The following DLG2 variants were observed in gnomAD, a reference collection of about 807,000 sequenced individuals.
DLG2 encodes the protein disks large homolog 2.
In DLG2, 45 loss-of-function variants were observed where a neutral mutation model predicts 132.5. The observed-to-expected ratio is 0.34, with a 90% CI of 0.27 to 0.44. The LOEUF is 0.44. DLG2 is among the 20% of genes least tolerant of loss of function. The probability of loss-of-function intolerance (pLI) is 1.00; values close to 1 mark genes in which losing one functional copy is unlikely to be tolerated. For missense variants in DLG2, 1,045 were observed against 1,196.9 expected, an observed-to-expected ratio of 0.87 and a Z score of 1.87; for synonymous variants, 424 against 419.6, an observed-to-expected ratio of 1.01 and a Z score of -0.13.
intron 10 of DLG2, among the ~76,000 whole-genome samples, chr11:84,090,584 G>T (rs547246292): frequency 6.6e-6 from 1 of 152,224 alleles, no homozygotes; most frequent in African/African-American, 2.4e-5. Context: ...TTGGACATAC[G>T]TGTATGCCAA....
At chr11:84,634,426 A>T (rs368912061) in intron 6 of DLG2, among the ~76,000 whole-genome samples, 1 of 152,226 alleles carries the variant, frequency 6.6e-6, no homozygotes, top group African/African-American at 2.4e-5. Context: ...CTGGATGTGT[A>T]AACAGACTAC....
chr11:84,474,129 C>G (rs1405298325), intron 7 of DLG2, among the ~76,000 whole-genome samples: 1 of 151,970 alleles, frequency 6.6e-6, no homozygotes, highest in Non-Finnish European at 1.5e-5. Context: ...TTCTCACAAT[C>G]CCATTTCTGA....
intron 6 of DLG2, among the ~76,000 whole-genome samples, chr11:84,726,941 G>C (rs1290930419): frequency 6.6e-6 from 1 of 152,126 alleles, no homozygotes; most frequent in East Asian, 1.9e-4. Context: ...CCCAGTTTTT[G>C]ATAGGGTTGT....
At chr11:84,153,756 T>A (rs990122901) in intron 9 of DLG2, among the ~76,000 whole-genome samples, 2 of 152,202 alleles carry the variant, frequency 1.3e-5, no homozygotes, top group Admixed American at 1.3e-4. Flanking sequence ...TTTTACTGGC[T>A]TCCTTGGATT....
intron 7 of DLG2, among the ~76,000 whole-genome samples, chr11:84,478,502 G>A (rs1040459514): frequency 2.6e-5 from 4 of 151,978 alleles, no homozygotes; most frequent in African/African-American, 9.7e-5. Flanking sequence ...TAGGGATGCA[G>A]GTTGTTTACA....
intron 4 of DLG2, among the ~76,000 whole-genome samples, chr11:85,191,202 AC>A (rs1479737425): frequency 2.0e-5 from 3 of 150,064 alleles, no homozygotes; most frequent in African/African-American, 7.3e-5. Context: ...ACACACACAC[AC>A]ACGTTTGGAT....
chr11:83,620,292 T>C (rs2153430618), intron 19 of DLG2, among the ~76,000 whole-genome samples: 1 of 152,256 alleles, frequency 6.6e-6, no homozygotes, highest in Middle Eastern at 3.4e-3. Context: ...ACACACAAAA[T>C]TGTATGTATA....
chr11:83,804,911 A>T (rs904461909), intron 17 of DLG2, among the ~76,000 whole-genome samples: 1 of 152,112 alleles, frequency 6.6e-6, no homozygotes, highest in African/African-American at 2.4e-5. Context: ...AGTCTTGAAC[A>T]TTACCTACAT....
At chr11:85,502,649 G>A (rs774745149) in intron 3 of DLG2, among the ~76,000 whole-genome samples, 5 of 151,974 alleles carry the variant, frequency 3.3e-5, no homozygotes, top group Non-Finnish European at 5.9e-5. Context: ...GAGGCCTGTC[G>A]GCGGGTTGGG....
At chr11:84,350,183 C>T (rs1386873819) in intron 7 of DLG2, among the ~76,000 whole-genome samples, 4 of 136,618 alleles carry the variant, frequency 2.9e-5, no homozygotes, top group African/African-American at 6.1e-5. Context: ...GTCCCCCCCC[C>T]CAAAAAAAAA....
intron 6 of DLG2, among the ~76,000 whole-genome samples, chr11:84,547,080 G>T (rs913385891): frequency 1.3e-5 from 2 of 152,066 alleles, no homozygotes; most frequent in Non-Finnish European, 2.9e-5. Context: ...TGCAAAACTG[G>T]AATAGCAACT....
intron 18 of DLG2, among the ~76,000 whole-genome samples, chr11:83,715,053 A>C (rs1004135973): frequency 2.0e-5 from 3 of 152,212 alleles, no homozygotes; most frequent in African/African-American, 7.2e-5. Flanking sequence ...AATGTGGCAC[A>C]TATACACCAT....
intron 6 of DLG2, among the ~76,000 whole-genome samples, chr11:84,842,328 C>A (rs375680506): frequency 3.7e-4 from 56 of 152,050 alleles, no homozygotes; most frequent in African/African-American, 1.3e-3. Context: ...AACTGAGATT[C>A]AAGTAATTTA....
chr11:84,350,176 C>CCG (rs1555518905), intron 7 of DLG2, among the ~76,000 whole-genome samples: 1 of 139,430 alleles, frequency 7.2e-6, no homozygotes, highest in Non-Finnish European at 1.6e-5. Context: ...AGACTTCGTC[C>CCG]CCCCCCCCAA....
intron 12 of DLG2, 45 bp downstream of exon 12, chr11:83,980,461 A>T: frequency 6.3e-7 from 1 of 1,578,466 alleles, no homozygotes; most frequent in Non-Finnish European, 8.6e-7. Flanking sequence ...CTGGAAAACA[A>T]GAGCTTTATA....
At chr11:85,507,314 C>T (rs2153146018) in intron 3 of DLG2, among the ~76,000 whole-genome samples, 1 of 152,084 alleles carries the variant, frequency 6.6e-6, no homozygotes, top group Admixed American at 6.6e-5. Flanking sequence ...ATCAGTGGTC[C>T]TTACAATTTG....
At chr11:85,028,901 C>T (rs1296513512) in intron 6 of DLG2, among the ~76,000 whole-genome samples, 4 of 152,230 alleles carry the variant, frequency 2.6e-5, no homozygotes, top group East Asian at 1.9e-4. Context: ...CTGTGGAGCG[C>T]GCAGCCCCAG....
intron 6 of DLG2, among the ~76,000 whole-genome samples, chr11:84,797,786 G>A (rs928252044): frequency 9.9e-5 from 15 of 152,108 alleles, no homozygotes; most frequent in African/African-American, 3.4e-4. Context: ...TCATTGTCTG[G>A]GCATTGAAGA....
intron 3 of DLG2, among the ~76,000 whole-genome samples, chr11:85,480,613 A>G (rs1314099583): frequency 2.0e-5 from 3 of 152,240 alleles, no homozygotes; most frequent in Non-Finnish European, 4.4e-5. Flanking sequence ...TTTTTAAACC[A>G]ATAAATAAAT....
Sources: gnomAD v4.1 joint callset for allele counts (sites outside exome capture counted in the v4.1 genomes callset) on GRCh38, gnomAD v4.1.1 for gene constraint, MANE v1.5 for transcripts, NCBI Gene and HGNC (gene_info 2026-07-23, HGNC 2026-07-21) for gene names.